Variants in BARHL1 observed in about 807,000 individuals in gnomAD.
BARHL1 encodes barH-like 1 homeobox protein.
BARHL1 carries 2 observed loss-of-function variants against 20.1 expected under a neutral mutation model. The observed-to-expected ratio is 0.10, with a 90% CI of 0.04 to 0.31. BARHL1 has a LOEUF of 0.31. Among genes scored for constraint, BARHL1 ranks in the 10% least tolerant of loss-of-function variants. The probability of loss-of-function intolerance (pLI) is 1.00; values close to 1 mark genes in which losing one functional copy is unlikely to be tolerated. For synonymous variants in BARHL1, 213 were observed against 209.9 expected, an observed-to-expected ratio of 1.01 and a Z score of -0.13; for missense variants, 397 against 454.0, an observed-to-expected ratio of 0.87 and a Z score of 1.14.
chr9:132,589,460 G>A lies in BARHL1; in HGVS notation c.922G>A (p.Glu308Lys), dbSNP rs771183086. 4.7e-6 allele frequency: 7 copies of A among 1,497,504 alleles called. No individual in the cohort carries two copies. The highest frequency in any genetic ancestry group is 2.9e-5 in the African/African-American group (2 of 69,030). 92.8% of individuals were successfully genotyped at this position (1,497,504 alleles called of 1,614,324 possible). ...CATCCACGGACTCCAGGGCGCCAGCGAGCCGCCCCCGCCGCTGCCCCCCCT... is the reference window on the plus strand; with the variant it reads ...CATCCACGGACTCCAGGGCGCCAGCAAGCCGCCCCCGCCGCTGCCCCCCCT... ...ILIHGLQGAS[E>K]PPPPLPPLAG... The change falls in exon 3 of 3, where the codon GAG becomes AAG. Residue 308 changes from glutamate (E) to lysine (K), a missense_variant. By Grantham distance (56) the Glu-to-Lys change is moderately conservative (BLOSUM62 1). Transcript: ENST00000263610.
rs773801596 is a variant in BARHL1 at position 132,589,450 on chromosome 9, G to A, written c.912G>A (p.Gln304=). The change falls in exon 3 of 3, where the codon CAG becomes CAA. Residue 304 remains glutamine (Q), a synonymous_variant. Transcript: ENST00000263610. ...CCCGCATCCTCATCCACGGACTCCA[G>A]GGCGCCAGCGAGCCGCCCCCGCCGC... ...LVPRILIHGL[Q]GASEPPPPLP... 5.8e-6 allele frequency: 9 copies of A among 1,552,136 alleles called. No individual in the cohort carries two copies. Among genetic ancestry groups the A allele is most frequent in the Non-Finnish European group, 7.8e-6 (9 of 1,153,528 alleles).
At chr9:132,584,238 T>C (rs1830114306) in intron 1 of BARHL1, among the ~76,000 whole-genome samples, 1 of 152,146 alleles carries the variant, frequency 6.6e-6, no homozygotes, top group Admixed American at 6.5e-5. Flanking sequence ...ACCTCGACTT[T>C]AGCTGTTTTT....
intron 2 of BARHL1, among the ~76,000 whole-genome samples, chr9:132,588,674 C>A (rs1471836772): frequency 6.6e-6 from 1 of 152,094 alleles, no homozygotes; most frequent in Non-Finnish European, 1.5e-5. Context: ...CTGCTCCAGC[C>A]GGCAGGGCGT....
rs556011248 is a variant in BARHL1, at chr9:132,587,501, C to G, written c.639C>G (p.Ala213=). ...TGCAGGACCGCATGGAGCTCGCCGCCTCGCTCAACCTCACCGACACGCAGG... is the reference window on the plus strand; with the variant it reads ...TGCAGGACCGCATGGAGCTCGCCGCGTCGCTCAACCTCACCGACACGCAGG... ...LSVQDRMELA[A]SLNLTDTQVK... is the part of the protein sequence containing the mutation. Residue 213 remains alanine (A), a synonymous_variant, in exon 2 of 3, where the codon GCC becomes GCG. Transcript: ENST00000263610. This position sits in a 1 kb window ranked among gnomAD's most constrained non-coding sequence, Gnocchi z 5.5. 32 of 1,612,680 alleles carry G rather than the reference C, an allele frequency of 2.0e-5. No homozygotes were observed. In the East Asian group the frequency reaches 6.9e-4, roughly 35 times the overall value.
chr9:132,588,508 C>T (rs964447564), intron 2 of BARHL1, among the ~76,000 whole-genome samples: 3 of 152,076 alleles, frequency 2.0e-5, no homozygotes, highest in African/African-American at 7.2e-5. Context: ...TTAGTGGGAC[C>T]CTGGCTGGTC....
Position 132,587,282 on chromosome 9 carries a change from C to G in BARHL1, c.467-47C>G, listed in dbSNP as rs565409480. The G allele has an allele frequency of 1.3e-6, 2 of 1,516,394 alleles. No individual in the cohort carries two copies. The highest frequency in any genetic ancestry group is 1.4e-5 in the African/African-American group (1 of 72,818). The allele number at this position is 1,516,394 out of a possible 1,614,324, so 93.9% of individuals were successfully genotyped here. A position where few individuals can be genotyped will look rare whatever the true frequency, so the allele number is the denominator to read the frequency against. On this transcript the variant is annotated intron_variant, in intron 1 of 2. Transcript: ENST00000263610. This position sits in a 1 kb window ranked among gnomAD's most constrained non-coding sequence, Gnocchi z 5.5. ...GCCACGGGCAGGAGCGGGAGGGCACCGGCGGCGGCTGCGAGGCCGGGCCCT... is the reference window on the plus strand; with the variant it reads ...GCCACGGGCAGGAGCGGGAGGGCACGGGCGGCGGCTGCGAGGCCGGGCCCT...
chr9:132,589,809 C>T lies in BARHL1; in HGVS notation c.*287C>T. 3.3e-6 allele frequency: 1 copy of T among 307,268 alleles called. No individual in the cohort carries two copies. Among genetic ancestry groups the T allele is most frequent in the Non-Finnish European group, 5.9e-6 (1 of 170,606 alleles). The allele number at this position is 307,268 out of a possible 1,614,324, so 19.0% of individuals were successfully genotyped here. On this transcript the variant is annotated 3_prime_UTR_variant, in exon 3 of 3. Coordinates refer to ENST00000263610, the MANE Select transcript of BARHL1 (RefSeq NM_020064.4). ...TACGCGTCTCTGCCACTCCCCACCC[C>T]CAGCCTCTGCCGGCTCCCCTAGGCA...
intron 2 of BARHL1, among the ~76,000 whole-genome samples, chr9:132,588,991 G>C (rs1305617778): frequency 1.3e-5 from 2 of 152,166 alleles, no homozygotes; most frequent in African/African-American, 2.4e-5. Flanking sequence ...AACCGGCCCA[G>C]ACCTCAGTTT....
rs1209805048 is a variant in BARHL1 at position 132,589,896 on chromosome 9, T to G, written c.*374T>G. The G allele has an allele frequency of 5.6e-6, 1 of 177,520 alleles. No individual in the cohort carries two copies. Among genetic ancestry groups the G allele is most frequent in the Non-Finnish European group, 1.2e-5 (1 of 85,226 alleles). The allele number at this position is 177,520 out of a possible 1,614,324, so 11.0% of individuals were successfully genotyped here. A position where few individuals can be genotyped will look rare whatever the true frequency, so the allele number is the denominator to read the frequency against. On this transcript the variant is annotated 3_prime_UTR_variant, in exon 3 of 3. Transcript: ENST00000263610. ...CAGGCTTCGCTCTCTCCCACGCCCCTTCTACGCTCCAGGTGGAGAACAGCC... is the reference window on the plus strand; with the variant it reads ...CAGGCTTCGCTCTCTCCCACGCCCCGTCTACGCTCCAGGTGGAGAACAGCC...
Position 132,582,786 on chromosome 9 carries a change from C to A in BARHL1, c.-12C>A. 1 of 1,565,912 alleles carries A rather than the reference C, an allele frequency of 6.4e-7. No individual in the cohort carries two copies. The highest frequency in any genetic ancestry group is 1.2e-5 in the South Asian group (1 of 84,788). The stretch of plus-strand genomic sequence containing the variant: ...TGGGGAGCTTTTGGGGAGGACAGGT[C>A]GCAGCTTGGCTATGGAAGGCTCCAA... On this transcript the variant is annotated 5_prime_UTR_variant, in exon 1 of 3. Transcript: ENST00000263610.
chr9:132,584,922 A>G (rs1489511249), intron 1 of BARHL1, among the ~76,000 whole-genome samples: 1 of 152,208 alleles, frequency 6.6e-6, no homozygotes, highest in Non-Finnish European at 1.5e-5. Context: ...CATGGTTATT[A>G]TTTACCATTT....
Position 132,589,476 on chromosome 9 carries a change from T to G in BARHL1, c.938T>G (p.Leu313Arg). Residue 313 changes from leucine (L) to arginine (R), a missense_variant, in exon 3 of 3, where the codon CTG (leucine) becomes CGG (arginine). Leu to Arg is a moderately radical substitution (Grantham distance 102). Coordinates refer to ENST00000263610, the MANE Select transcript of BARHL1 (RefSeq NM_020064.4). Reference protein sequence around the residue: ...LQGASEPPPPLPPLAGVLPRA... With the variant: ...LQGASEPPPPRPPLAGVLPRA... ...GGCGCCAGCGAGCCGCCCCCGCCGC[T>G]GCCCCCCCTGGCCGGCGTCCTCCCA... The G allele has an allele frequency of 6.6e-7, 1 of 1,513,146 alleles. No homozygotes were observed. Among genetic ancestry groups the G allele is most frequent in the South Asian group, 1.3e-5 (1 of 78,322 alleles). 93.7% of individuals were successfully genotyped at this position (1,513,146 alleles called of 1,614,324 possible).
In BARHL1 at chr9:132,582,895, G is replaced by C; in HGVS notation, c.98G>C (p.Arg33Pro). The C allele has an allele frequency of 6.2e-7, 1 of 1,613,276 alleles. No homozygotes were observed. Among genetic ancestry groups the C allele is most frequent in the Non-Finnish European group, 8.5e-7 (1 of 1,179,920 alleles). Residue 33 changes from arginine (R) to proline (P), a missense_variant, in exon 1 of 3, where the codon CGT becomes CCT. Transcript: ENST00000263610. ...GGGGACCCCTTGCTCGGGGACTGCCGTTCGCCCCTGGAGCTGAGTCCACGC... is the reference window on the plus strand; with the variant it reads ...GGGGACCCCTTGCTCGGGGACTGCCCTTCGCCCCTGGAGCTGAGTCCACGC... ...PKGDPLLGDC[R>P]SPLELSPRSE... is the part of the protein sequence containing the mutation.
intron 2 of BARHL1, among the ~76,000 whole-genome samples, chr9:132,588,328 C>T (rs956242809): frequency 2.0e-5 from 3 of 152,162 alleles, no homozygotes; most frequent in African/African-American, 7.2e-5. Context: ...TTAGCAGAGG[C>T]AGGAATGGTG....
chr9:132,588,515 G>C (rs2119135938), intron 2 of BARHL1, among the ~76,000 whole-genome samples: 1 of 152,234 alleles, frequency 6.6e-6, no homozygotes, highest in African/African-American at 2.4e-5. Flanking sequence ...GACCCTGGCT[G>C]GTCCGCCTAG....
In BARHL1 at chr9:132,583,212, G is replaced by A. The variant is rs953464871; in HGVS notation, c.415G>A (p.Asp139Asn). Reference protein sequence around the residue: ...LAAKAAEDFRDKLDKSGSNAS... With the variant: ...LAAKAAEDFRNKLDKSGSNAS... ...GGCCAAGGCCGCGGAGGACTTTAGAGACAAGCTGGACAAAAGTGGCAGCAA... is the reference window on the plus strand; with the variant it reads ...GGCCAAGGCCGCGGAGGACTTTAGAAACAAGCTGGACAAAAGTGGCAGCAA... The change falls in exon 1 of 3, where the codon GAC becomes AAC. Residue 139 changes from aspartate (D) to asparagine (N), a missense_variant. By Grantham distance (23) the Asp-to-Asn change is conservative. Transcript: ENST00000263610. 8.7e-6 allele frequency: 14 copies of A among 1,613,086 alleles called. No individual in the cohort carries two copies. Among genetic ancestry groups the A allele is most frequent in the Non-Finnish European group, 1.1e-5 (13 of 1,179,804 alleles).
chr9:132,588,491 G>C (rs1276145746), intron 2 of BARHL1, among the ~76,000 whole-genome samples: 1 of 152,200 alleles, frequency 6.6e-6, no homozygotes, highest in Non-Finnish European at 1.5e-5. Context: ...GTGTGGCTGA[G>C]CCCACCTTAG....
chr9:132,584,939 A>G (rs1830122172), intron 1 of BARHL1, among the ~76,000 whole-genome samples: 1 of 152,256 alleles, frequency 6.6e-6, no homozygotes, highest in African/African-American at 2.4e-5. Flanking sequence ...ATTTGCAACA[A>G]GAACGGCCCC....
At position 132,589,414 on chromosome 9, in the gene BARHL1, AC is replaced by A; in HGVS notation, c.878del (p.Pro293LeufsTer207). On this transcript the variant is annotated frameshift_variant, in exon 3 of 3. Transcript: ENST00000263610. LOFTEE classifies it high-confidence loss of function. ...GCGCGCCGCCGCCTGCTCTCCAGAG[AC>A]CTCTGGTGCCCCGCATCCTCATCCA... is the stretch of plus-strand genomic sequence containing the variant. ...PSAPPPALQR[P>X]LVPRILIHGL... 6.2e-7 allele frequency: 1 copy of A among 1,611,104 alleles called. No homozygotes were observed. Among genetic ancestry groups the A allele is most frequent in the Non-Finnish European group, 8.5e-7 (1 of 1,179,232 alleles).
Sources: gnomAD v4.1 joint callset for allele counts (sites outside exome capture counted in the v4.1 genomes callset) on GRCh38, gnomAD v4.1.1 for gene constraint, Gnocchi (gnomAD v3.1) non-coding constraint, MANE v1.5 for transcripts, NCBI Gene and HGNC (gene_info 2026-07-23, HGNC 2026-07-21) for gene names.